The following PAK1 variants were observed in gnomAD, a reference collection of about 807,000 sequenced individuals.
PAK1 encodes the protein serine/threonine-protein kinase PAK 1.
In PAK1, 29 loss-of-function variants were observed where a neutral mutation model predicts 67.4. The ratio of observed to expected loss-of-function variants is 0.43; its 90% confidence interval spans 0.32 to 0.59. The LOEUF (loss-of-function observed/expected upper bound fraction) is 0.59, where lower values mean the gene tolerates loss of function less well. PAK1 is among the 20% of genes least tolerant of loss of function. The pLI is 0.07. For missense variants in PAK1, 337 were observed against 670.7 expected, an observed-to-expected ratio of 0.50 and a Z score of 5.50; for synonymous variants, 223 against 237.4, an observed-to-expected ratio of 0.94 and a Z score of 0.56.
At chr11:77,454,977 T>C (rs1957020799) in intron 1 of PAK1, among the ~76,000 whole-genome samples, 1 of 152,112 alleles carries the variant, frequency 6.6e-6, no homozygotes, top group Admixed American at 6.5e-5. Context: ...AATCAGTCAG[T>C]CTCTCTCCCT....
intron 11 of PAK1, among the ~76,000 whole-genome samples, chr11:77,339,323 G>C (rs2136221024): frequency 6.6e-6 from 1 of 152,078 alleles, no homozygotes; most frequent in South Asian, 2.1e-4. Context: ...GAGGGTAAGG[G>C]GGTGGGGTGA....
At chr11:77,343,030 C>T (rs772941128) in intron 10 of PAK1, among the ~76,000 whole-genome samples, 2 of 151,964 alleles carry the variant, frequency 1.3e-5, no homozygotes, top group African/African-American at 2.4e-5. Context: ...CGTCTATAAA[C>T]CTCAGTTTCC....
chr11:77,499,795 GCA>G, the PAK1 span, among the ~76,000 whole-genome samples: 1,290 of 151,446 alleles, frequency 8.5e-3, 35 homozygotes, highest in East Asian at 0.011. Context: ...TGCTGACACT[GCA>G]CACACACACA....
intron 1 of PAK1, among the ~76,000 whole-genome samples, chr11:77,432,833 TAA>T (rs34223016): frequency 6.9e-6 from 1 of 145,148 alleles, no homozygotes; most frequent in Non-Finnish European, 1.5e-5. Flanking sequence ...AAACTGAAAT[TAA>T]AAAAAAAAAC....
rs773258196 is a variant in PAK1, at chr11:77,332,733, T to C, written c.1548A>G (p.Leu516=). The change falls in exon 14 of 15, where the codon CTA becomes CTG. Residue 516 remains leucine, a synonymous_variant. Transcript: ENST00000356341. ...TTCCCTGCATAAGGACAGTTACCTG[T>C]AGCAGCTCTTTAGCTGAACCTCTCT... ...VEKRGSAKEL[L]QHQFLKIAKP... The C allele has an allele frequency of 2.5e-6, 4 of 1,613,328 alleles. No homozygotes were observed. Among genetic ancestry groups the C allele is most frequent in the South Asian group, 1.1e-5 (1 of 91,060 alleles).
chr11:77,484,039 T>C, the PAK1 span, among the ~76,000 whole-genome samples: 8 of 152,044 alleles, frequency 5.3e-5, no homozygotes, highest in East Asian at 1.9e-4. Context: ...AAATGAAAAA[T>C]AGAGCCAGCC....
chr11:77,439,820 C>A (rs959317955), intron 1 of PAK1, among the ~76,000 whole-genome samples: 1 of 152,120 alleles, frequency 6.6e-6, no homozygotes, highest in African/African-American at 2.4e-5. Context: ...GTGCCTGGGT[C>A]TGTATCAGGG....
intron 1 of PAK1, among the ~76,000 whole-genome samples, chr11:77,427,959 A>G (rs1955641392): frequency 6.6e-6 from 1 of 152,208 alleles, no homozygotes; most frequent in African/African-American, 2.4e-5. Flanking sequence ...AAAGGCAAAA[A>G]GCCAGAGGAG....
intron 1 of PAK1, among the ~76,000 whole-genome samples, chr11:77,425,322 C>T (rs954221019): frequency 1.7e-4 from 26 of 151,346 alleles, no homozygotes; most frequent in Admixed American, 1.1e-3. Context: ...TTTCTTCTCA[C>T]TTTAATTAAG....
intron 1 of PAK1, among the ~76,000 whole-genome samples, chr11:77,469,659 C>T (rs1396969286): frequency 6.6e-6 from 1 of 150,802 alleles, no homozygotes; most frequent in Non-Finnish European, 1.5e-5. Flanking sequence ...AACATTACCC[C>T]TTAGAAATTA....
At chr11:77,396,605 G>GT (rs1951865088) in intron 1 of PAK1, among the ~76,000 whole-genome samples, 1 of 152,144 alleles carries the variant, frequency 6.6e-6, no homozygotes, top group Admixed American at 6.6e-5. Flanking sequence ...ACTAAATCTT[G>GT]TATCTTAGAG....
the PAK1 span, among the ~76,000 whole-genome samples, chr11:77,522,798 T>C: frequency 1.3e-5 from 2 of 152,086 alleles, no homozygotes; most frequent in South Asian, 4.1e-4. Flanking sequence ...CTGTCCACAA[T>C]AGCAAAGACA....
chr11:77,445,046 C>T (rs1956535062), intron 1 of PAK1, among the ~76,000 whole-genome samples: 1 of 151,944 alleles, frequency 6.6e-6, no homozygotes, highest in Non-Finnish European at 1.5e-5. Context: ...AGAGTAGTTA[C>T]AGACGTAATC....
intron 8 of PAK1, 53 bp downstream of exon 8, chr11:77,353,483 G>A (rs999571590): frequency 1.8e-5 from 24 of 1,299,474 alleles, no homozygotes; most frequent in African/African-American, 2.9e-5. Flanking sequence ...CATATATGCC[G>A]GCACACACAC....
At chr11:77,412,923 GAAC>G (rs1407986503) in intron 1 of PAK1, among the ~76,000 whole-genome samples, 1 of 152,190 alleles carries the variant, frequency 6.6e-6, no homozygotes, top group Non-Finnish European at 1.5e-5. Flanking sequence ...AACCTGAGCT[GAAC>G]AACACATTAT....
At chr11:77,381,794 C>T (rs528096829) in intron 2 of PAK1, among the ~76,000 whole-genome samples, 6 of 152,308 alleles carry the variant, frequency 3.9e-5, no homozygotes, top group East Asian at 1.9e-4. Flanking sequence ...TGATTCCAAA[C>T]GTTCATTCTT....
intron 1 of PAK1, among the ~76,000 whole-genome samples, chr11:77,419,827 T>C (rs1955162295): frequency 6.6e-6 from 1 of 152,214 alleles, no homozygotes; most frequent in African/African-American, 2.4e-5. Context: ...GCCAATTGCC[T>C]GTTAAGGTCA....
chr11:77,360,650 C>T (rs1946657052), intron 5 of PAK1, among the ~76,000 whole-genome samples: 1 of 152,106 alleles, frequency 6.6e-6, no homozygotes, highest in Non-Finnish European at 1.5e-5. Context: ...CAACACCTTC[C>T]TCAGTAAAAG....
chr11:77,370,055 T>C (rs1592010928), intron 5 of PAK1, among the ~76,000 whole-genome samples: 1 of 152,232 alleles, frequency 6.6e-6, no homozygotes, highest in African/African-American at 2.4e-5. Context: ...TATGTAAGTC[T>C]GTTTTTCCAC....
Sources: allele counts gnomAD v4.1 joint callset (sites outside exome capture counted in the v4.1 genomes callset), GRCh38; gene constraint gnomAD v4.1.1; transcripts MANE v1.5; gene names NCBI Gene and HGNC (gene_info 2026-07-23, HGNC 2026-07-21).